Variants in KDM5B observed in about 807,000 individuals in gnomAD.
The protein encoded by KDM5B is lysine-specific demethylase 5B.
A neutral mutation model predicts 193.4 loss-of-function variants in KDM5B; 144 were observed. The observed-to-expected ratio is 0.74, with a 90% CI of 0.65 to 0.86. The LOEUF is 0.86. Among genes scored for constraint, KDM5B ranks in the 40% least tolerant of loss-of-function variants. KDM5B has a pLI of 0.00. For missense variants in KDM5B, 1,833 were observed against 1,886.9 expected, an observed-to-expected ratio of 0.97 and a Z score of 0.53; for synonymous variants, 668 against 682.6, an observed-to-expected ratio of 0.98 and a Z score of 0.33.
chr1:202,775,160 T>A (rs914817980), intron 2 of KDM5B, among the ~76,000 whole-genome samples: 3 of 145,074 alleles, frequency 2.1e-5, no homozygotes, highest in Non-Finnish European at 4.6e-5. Context: ...TTGCTTGAAC[T>A]CAGGAGGCAG....
chr1:202,748,824 T>C lies in KDM5B; in HGVS notation c.2016+121A>G. 6.5e-6 allele frequency: 5 copies of C among 767,642 alleles called. No homozygotes were observed. The South Asian group carries it at 7.4e-5, about 11-fold the overall frequency. The allele number at this position is 767,642 out of a possible 1,614,324, so 47.6% of individuals were successfully genotyped here. A position where few individuals can be genotyped will look rare whatever the true frequency, so the allele number is the denominator to read the frequency against. ...ACCACGAGATACTACTATACATCTA[T>C]TACAATGGCCTCAAAGAAAATAGGC... On this transcript the variant is annotated intron_variant, in intron 14 of 26. Transcript: ENST00000367265.
At chr1:202,805,684 T>G (rs557118409) in intron 1 of KDM5B, among the ~76,000 whole-genome samples, 1 of 152,332 alleles carries the variant, frequency 6.6e-6, no homozygotes, top group African/African-American at 2.4e-5. Context: ...ATATATCAAC[T>G]ATATGAAACC....
intron 5 of KDM5B, among the ~76,000 whole-genome samples, chr1:202,765,705 G>A (rs570096771): frequency 6.6e-6 from 1 of 152,254 alleles, no homozygotes; most frequent in East Asian, 1.9e-4. Context: ...ACTTACCAAA[G>A]TGAAAAACTA....
At chr1:202,777,169 A>C in intron 1 of KDM5B, 75 bp from the exon 2 acceptor site, 1 of 1,152,804 alleles carries the variant, frequency 8.7e-7, no homozygotes, top group Non-Finnish European at 1.3e-6. Context: ...TAAAATTAAA[A>C]CCCAGGTTAG....
chr1:202,781,770 AAAT>A (rs1039073303), intron 1 of KDM5B, among the ~76,000 whole-genome samples: 12 of 152,216 alleles, frequency 7.9e-5, no homozygotes, highest in African/African-American at 2.4e-5. Context: ...AGCATATGAA[AAAT>A]AATGTGTCAG....
intron 10 of KDM5B, 21 bp from the exon 11 acceptor site, chr1:202,755,473 G>T (rs752732816): frequency 6.3e-7 from 1 of 1,583,706 alleles, no homozygotes; most frequent in Non-Finnish European, 8.7e-7. Context: ...GAAGACAAAA[G>T]AGGATAAAGG....
At chr1:202,731,215 T>C (rs1558478206) in intron 24 of KDM5B, 152 bp from the exon 25 acceptor site, 1 of 602,362 alleles carries the variant, frequency 1.7e-6, no homozygotes, top group Non-Finnish European at 2.8e-6. Context: ...AAGTGAGGTT[T>C]AATGTGCCTA....
intron 1 of KDM5B, among the ~76,000 whole-genome samples, chr1:202,783,838 A>G (rs1657299411): frequency 6.6e-6 from 1 of 152,078 alleles, no homozygotes; most frequent in Non-Finnish European, 1.5e-5. Context: ...CCAAGATCAC[A>G]CCACTGCACT....
rs902533921 is a variant in KDM5B, at chr1:202,748,591, G to A, written c.2016+354C>T. 3.4e-4 allele frequency among the ~76,000 whole-genome samples: 52 copies of A among 152,020 alleles called. 1 individual carries two copies. The highest frequency in any genetic ancestry group is 4.1e-4 in the South Asian group (2 of 4,828). ...GTTTTAAAAAAATAAAGGGCAAGCC[G>A]GGTGTGGTGGCTCACGCCTGTAATC... On this transcript the variant is annotated intron_variant, in intron 14 of 26. Coordinates refer to ENST00000367265, the MANE Select transcript of KDM5B (RefSeq NM_006618.5).
chr1:202,730,274 G>A (rs1185301168), intron 25 of KDM5B, among the ~76,000 whole-genome samples: 1 of 152,152 alleles, frequency 6.6e-6, no homozygotes, highest in Admixed American at 6.6e-5. Flanking sequence ...TGTTAAAGAC[G>A]TGATTACCCT....
chr1:202,758,662 A>G (rs531476478), intron 8 of KDM5B, 152 bp from the exon 9 acceptor site: 7 of 511,960 alleles, frequency 1.4e-5, no homozygotes, highest in East Asian at 1.0e-4. Flanking sequence ...TGCCTGAAAA[A>G]TGTGGTTATT....
At chr1:202,784,724 C>T (rs940645626) in intron 1 of KDM5B, among the ~76,000 whole-genome samples, 17 of 152,114 alleles carry the variant, frequency 1.1e-4, no homozygotes, top group Admixed American at 4.6e-4. Flanking sequence ...AAGTTTTGTA[C>T]GACAAAGAAT....
chr1:202,729,392 A>C, intron 26 of KDM5B: 1 of 622,172 alleles, frequency 1.6e-6, no homozygotes, highest in Middle Eastern at 4.3e-4. Flanking sequence ...TTTGGGGTTA[A>C]GACAGCGCTG....
At chr1:202,790,345 A>G (rs1657598116) in intron 1 of KDM5B, among the ~76,000 whole-genome samples, 1 of 152,152 alleles carries the variant, frequency 6.6e-6, no homozygotes, top group African/African-American at 2.4e-5. Flanking sequence ...TTGGAGGCCA[A>G]CCAAGTGGAT....
At chr1:202,774,379 G>C (rs957450600) in intron 3 of KDM5B, among the ~76,000 whole-genome samples, 1 of 152,036 alleles carries the variant, frequency 6.6e-6, no homozygotes, top group Non-Finnish European at 1.5e-5. Context: ...CAAATAGCTG[G>C]TACTACAGGG....
intron 12 of KDM5B, among the ~76,000 whole-genome samples, chr1:202,751,796 T>C (rs10800859): frequency 0.67 from 102,275 of 152,026 alleles, 37,025 homozygotes; most frequent in Admixed American, 0.82. Flanking sequence ...AGAATCTAAC[T>C]CCAGAAAGTT....
Position 202,764,142 on chromosome 1 carries a change from T to C in KDM5B, c.715A>G (p.Met239Val). The C allele has an allele frequency of 6.6e-7, 1 of 1,505,192 alleles. No homozygotes were observed. The highest frequency in any genetic ancestry group is 9.0e-7 in the Non-Finnish European group (1 of 1,113,880). The allele number at this position is 1,505,192 out of a possible 1,614,324, so 93.2% of individuals were successfully genotyped here. ...RRAKRMRAEA[M>V]NIKIEPEETT... ...TCCTCGGGTTCTATTTTAATATTCA[T>C]GGCCTTAAAAAAATTGTCATATACA... Residue 239 changes from methionine (M) to valine (V), a missense_variant, in exon 6 of 27, where the codon ATG (methionine) becomes GTG (valine). Physicochemically the swap from Met to Val is conservative, Grantham distance 21 (BLOSUM62 1). Transcript: ENST00000367265.
At chr1:202,730,462 C>A (rs1404696050) in intron 25 of KDM5B, among the ~76,000 whole-genome samples, 1 of 152,192 alleles carries the variant, frequency 6.6e-6, no homozygotes, top group Non-Finnish European at 1.5e-5. Context: ...AGGATGTACA[C>A]CCCCACACCT....
At chr1:202,756,552 C>T in intron 9 of KDM5B, 36 bp from the exon 10 acceptor site, 1 of 1,522,266 alleles carries the variant, frequency 6.6e-7, no homozygotes, top group Non-Finnish European at 8.9e-7. Context: ...TGAGTTTCCT[C>T]ACAAACTGTC....
Sources: allele counts gnomAD v4.1 joint callset (sites outside exome capture counted in the v4.1 genomes callset), GRCh38; gene constraint gnomAD v4.1.1; transcripts MANE v1.5; gene names NCBI Gene and HGNC (gene_info 2026-07-23, HGNC 2026-07-21).